Variants in LRRC38 observed in about 807,000 individuals in gnomAD.
LRRC38 encodes leucine-rich repeat-containing protein 38.
In LRRC38, 5 loss-of-function variants were observed where a neutral mutation model predicts 16.4. That is an observed-to-expected ratio of 0.31 (90% confidence interval 0.16 to 0.64). The LOEUF (loss-of-function observed/expected upper bound fraction) is 0.64, where lower values mean the gene tolerates loss of function less well. Ranked by LOEUF, LRRC38 falls within the 30% of genes least tolerant of loss-of-function variation. The pLI, the probability that LRRC38 is intolerant of heterozygous loss-of-function variation, is 0.80. For missense variants in LRRC38, 341 were observed against 401.8 expected (o/e 0.85, Z 1.29); for synonymous variants, 191 against 190.2 (o/e 1.00, Z -0.04).
In LRRC38 at chr1:13,498,562, C is replaced by T. The variant is rs998179042; in HGVS notation, c.631+14401G>A. Among the ~76,000 whole-genome samples, 12 of 152,184 alleles carry T rather than the reference C, an allele frequency of 7.9e-5. No individual in the cohort carries two copies. In the East Asian group the frequency reaches 1.9e-3, roughly 25 times the overall value. On this transcript the variant is annotated intron_variant, in intron 1 of 1. Coordinates refer to ENST00000376085, the MANE Select transcript of LRRC38 (RefSeq NM_001010847.2). ...AGGAGAATCGCTTGAACCTGGGAGG[C>T]GGAGGTTGCAGTAAGCCAAAATTGC... is the stretch of plus-strand genomic sequence containing the variant.
intron 1 of LRRC38, among the ~76,000 whole-genome samples, chr1:13,486,363 AC>A (rs760761525): frequency 6.6e-6 from 1 of 152,102 alleles, no homozygotes; most frequent in African/African-American, 2.4e-5. Context: ...TCATTTAATT[AC>A]ATTTGCAAAG....
chr1:13,490,928 C>T (rs1374978911), intron 1 of LRRC38, among the ~76,000 whole-genome samples: 3 of 152,144 alleles, frequency 2.0e-5, no homozygotes, highest in African/African-American at 2.4e-5. Context: ...TCAGGATACG[C>T]AGGGGTGTGT....
intron 1 of LRRC38, among the ~76,000 whole-genome samples, chr1:13,507,087 G>A (rs1322687907): frequency 2.0e-5 from 3 of 152,206 alleles, no homozygotes; most frequent in Admixed American, 2.0e-4. Context: ...AGAAAGATCT[G>A]GTTTTTGGGG....
chr1:13,475,699 G>T lies in LRRC38; in HGVS notation c.*147C>A, dbSNP rs1457285270. On this transcript the variant is annotated 3_prime_UTR_variant, in exon 2 of 2. Transcript: ENST00000376085. This position sits in a 1 kb window ranked among gnomAD's most constrained non-coding sequence, Gnocchi z 4.3. ...ACTCTGAGATCAGTGGTCCCAGCAG[G>T]TGTACCCAGGGGCCAAGACACGGAA... 3 of 975,900 alleles carry T rather than the reference G, an allele frequency of 3.1e-6. No individual in the cohort carries two copies. The highest frequency in any genetic ancestry group is 2.7e-5 in the Admixed American group (1 of 36,732). 60.5% of individuals were successfully genotyped at this position (975,900 alleles called of 1,614,324 possible). A position where few individuals can be genotyped will look rare whatever the true frequency, so the allele number is the denominator to read the frequency against.
intron 1 of LRRC38, among the ~76,000 whole-genome samples, chr1:13,491,737 G>A (rs1569922841): frequency 6.6e-6 from 1 of 151,884 alleles, no homozygotes; most frequent in African/African-American, 2.4e-5. Context: ...GTGCAGTGGC[G>A]ACATCTCGGC....
chr1:13,478,122 T>C (rs1434012352), intron 1 of LRRC38, among the ~76,000 whole-genome samples: 1 of 152,182 alleles, frequency 6.6e-6, no homozygotes, highest in Non-Finnish European at 1.5e-5. Flanking sequence ...TATGTGCAAA[T>C]TCAAATGACG....
At chr1:13,499,165 C>T (rs920874069) in intron 1 of LRRC38, among the ~76,000 whole-genome samples, 2 of 152,078 alleles carry the variant, frequency 1.3e-5, no homozygotes, top group East Asian at 1.9e-4. Context: ...GGCATGATCT[C>T]GGCTCACTAT....
At chr1:13,495,963 A>G (rs1311138723) in intron 1 of LRRC38, among the ~76,000 whole-genome samples, 3 of 152,076 alleles carry the variant, frequency 2.0e-5, no homozygotes, top group Non-Finnish European at 4.4e-5. Flanking sequence ...ATATCAGCAC[A>G]GTCTTACTCT....
chr1:13,476,762 T>C (rs901743920), intron 1 of LRRC38, among the ~76,000 whole-genome samples: 3 of 152,302 alleles, frequency 2.0e-5, no homozygotes, highest in Admixed American at 2.0e-4. Context: ...TTGGGGCAGA[T>C]GCAGTGGGAT....
intron 1 of LRRC38, among the ~76,000 whole-genome samples, chr1:13,493,718 A>G (rs1044250762): frequency 3.3e-5 from 5 of 152,260 alleles, no homozygotes; most frequent in African/African-American, 1.2e-4. Flanking sequence ...GAGTGCTGGA[A>G]GCCTCTAACC....
chr1:13,477,977 T>C (rs1638808274), intron 1 of LRRC38, among the ~76,000 whole-genome samples: 1 of 152,148 alleles, frequency 6.6e-6, no homozygotes, highest in Non-Finnish European at 1.5e-5. Context: ...TGAATAAATA[T>C]TATGAACAGA....
At chr1:13,484,203 G>A (rs748389048) in intron 1 of LRRC38, among the ~76,000 whole-genome samples, 1 of 151,976 alleles carries the variant, frequency 6.6e-6, no homozygotes, top group Non-Finnish European at 1.5e-5. Flanking sequence ...CTTCCTTTTC[G>A]TCAGGTGACT....
intron 1 of LRRC38, among the ~76,000 whole-genome samples, chr1:13,482,829 G>A (rs546308649): frequency 2.0e-5 from 3 of 152,320 alleles, no homozygotes; most frequent in South Asian, 2.1e-4. Context: ...AGCACCTGGT[G>A]TGTGCCTAGC....
rs143225401 is a variant in LRRC38, at chr1:13,485,107, G to A, written c.632-9008C>T. On this transcript the variant is annotated intron_variant, in intron 1 of 1. Transcript: ENST00000376085. ...ATCCTGACCAACATGGAGAAACCCC[G>A]TCTCTACCAAAAATACAAAATTAGC... 5.1e-3 allele frequency among the ~76,000 whole-genome samples: 773 copies of A among 151,572 alleles called. 6 individuals are homozygous for A. The highest frequency in any genetic ancestry group is 0.015 in the African/African-American group (638 of 41,304).
chr1:13,476,195 C>A, intron 1 of LRRC38, 96 bp from the exon 2 acceptor site: 7 of 1,125,024 alleles, frequency 6.2e-6, no homozygotes, highest in South Asian at 3.2e-5. Context: ...CAGCAATGTG[C>A]AAGCATCCTC....
chr1:13,478,882 G>A (rs985719811), intron 1 of LRRC38, among the ~76,000 whole-genome samples: 20 of 151,908 alleles, frequency 1.3e-4, no homozygotes, highest in African/African-American at 4.6e-4. Flanking sequence ...CCAACCCATC[G>A]ATGCTTCTGT....
Position 13,485,915 on chromosome 1 carries a change from G to A in LRRC38, c.632-9816C>T, listed in dbSNP as rs534719241. ...AAAGGTTCTGGGGAGAATCCCTCCT[G>A]GACTCCTCCAGCTTCTGGTGGTTCT... On this transcript the variant is annotated intron_variant, in intron 1 of 1. Coordinates refer to ENST00000376085, the MANE Select transcript of LRRC38 (RefSeq NM_001010847.2). 5.3e-5 allele frequency among the ~76,000 whole-genome samples: 8 copies of A among 152,286 alleles called. No homozygotes were observed. The East Asian group carries it at 1.5e-3, about 29-fold the overall frequency.
chr1:13,513,729 CCGGGCGTGCGGG>C lies in LRRC38; in HGVS notation c.-148_-137del, dbSNP rs1639305744. The C allele has an allele frequency of 3.1e-6, 1 of 321,230 alleles. No homozygotes were observed. Among genetic ancestry groups the C allele is most frequent in the African/African-American group, 2.3e-5 (1 of 42,920 alleles). The allele number at this position is 321,230 out of a possible 1,614,324, so 19.9% of individuals were successfully genotyped here. On this transcript the variant is annotated 5_prime_UTR_variant, in exon 1 of 2. Transcript: ENST00000376085. ...CGGCCCGGGCGGGGAGGGCGTGCGC[CCGGGCGTGCGGG>C]GGCGATGGAGCGCGGCGCGGACGGA...
At chr1:13,512,121 T>C (rs1377657980) in intron 1 of LRRC38, among the ~76,000 whole-genome samples, 1 of 152,112 alleles carries the variant, frequency 6.6e-6, no homozygotes, top group East Asian at 1.9e-4. Flanking sequence ...AGTGGGAGGC[T>C]GGAATCCACT....
Sources: gnomAD v4.1 joint callset for allele counts (sites outside exome capture counted in the v4.1 genomes callset) on GRCh38, gnomAD v4.1.1 for gene constraint, Gnocchi (gnomAD v3.1) non-coding constraint, MANE v1.5 for transcripts, NCBI Gene and HGNC (gene_info 2026-07-23, HGNC 2026-07-21) for gene names.